Variants in TTN observed in about 807,000 individuals in gnomAD.
TTN encodes titin.
Under a neutral mutation model 3,223.0 loss-of-function variants are expected in TTN, and 1,525 were observed. The ratio of observed to expected loss-of-function variants is 0.47; its 90% CI spans 0.45 to 0.49. TTN has a LOEUF of 0.49. TTN is among the 20% of genes least tolerant of loss of function. TTN has a pLI of 0.00. For missense variants in TTN, 40,786 were observed against 43,424.0 expected, an observed-to-expected ratio of 0.94 and a Z score of 5.40; for synonymous variants, 14,094 against 15,161.0, an observed-to-expected ratio of 0.93 and a Z score of 5.17.
chr2:178,526,944 A>G lies in TTN; in HGVS notation c.*68T>C. ...TTCTTTAAATATTTACAGTTCAGAA[A>G]GATTAGTCCGTGTGAAACGTTTGCG... On this transcript the variant is annotated 3_prime_UTR_variant, in exon 363 of 363. Coordinates refer to ENST00000589042, the MANE Select transcript of TTN (RefSeq NM_001267550.2). The G allele has an allele frequency of 1.4e-6, 2 of 1,380,880 alleles. No homozygotes were observed. The highest frequency in any genetic ancestry group is 1.9e-6 in the Non-Finnish European group (2 of 1,036,600). The allele number at this position is 1,380,880 out of a possible 1,614,324, so 85.5% of individuals were successfully genotyped here.
In TTN at chr2:178,613,146, TTATATAAATAATACC is replaced by T; in HGVS notation, c.49648_49648+14del. On this transcript the variant is annotated splice_donor_variant and splice_donor_5th_base_variant and coding_sequence_variant and intron_variant, in exon 264 of 363. Coordinates refer to ENST00000589042, the MANE Select transcript of TTN (RefSeq NM_001267550.2). LOFTEE classifies it high-confidence loss of function. The stretch of plus-strand genomic sequence containing the variant: ...ATGAACTTCGAAATAACCACAAAAA[TTATATAAATAATACC>T]TATGGGATCCTTTATTAAGATTGGT... The T allele has an allele frequency of 6.2e-7, 1 of 1,607,162 alleles. No homozygotes were observed. Among genetic ancestry groups the T allele is most frequent in the Non-Finnish European group, 8.5e-7 (1 of 1,177,612 alleles).
Position 178,567,764 on chromosome 2 carries a change from T to C in TTN, c.78368A>G (p.Tyr26123Cys). 6.2e-7 allele frequency: 1 copy of C among 1,613,446 alleles called. No individual in the cohort carries two copies. The highest frequency in any genetic ancestry group is 8.5e-7 in the Non-Finnish European group (1 of 1,179,572). The change falls in exon 326 of 363, where the codon TAC (tyrosine) becomes TGC (cysteine). Residue 26123 changes from tyrosine (Y) to cysteine (C), a missense_variant. Physicochemically the swap from Tyr to Cys is radical, Grantham distance 194. Coordinates refer to ENST00000589042, the MANE Select transcript of TTN (RefSeq NM_001267550.2). ...VYDGGSMITG[Y>C]IVEKRDLPDG... ...AGGCAAATCACGTTTCTCTACAATG[T>C]AGCCTGTAATCATACTTCCACCATC...
intron 153 of TTN, 23 bp downstream of exon 153, chr2:178,672,612 C>T: frequency 6.2e-7 from 1 of 1,611,298 alleles, no homozygotes; most frequent in East Asian, 2.2e-5. Flanking sequence ...AAGAGGAAGT[C>T]AGGTTTAAAA....
chr2:178,723,310 A>T lies in TTN; in HGVS notation c.21697T>A (p.Leu7233Met). 6.2e-7 allele frequency: 1 copy of T among 1,612,042 alleles called. No homozygotes were observed. Among genetic ancestry groups the T allele is most frequent in the Non-Finnish European group, 8.5e-7 (1 of 1,178,882 alleles). The stretch of plus-strand genomic sequence containing the variant: ...ACAGAATGATCACTTAATCTCTTCA[A>T]AAATGCAGCTGGTTCTAGTAAGTGA... ...RLFVKEPAAF[L>M]KRLSDHSVEP... is the part of the protein sequence containing the mutation. Residue 7233 changes from leucine to methionine, a missense_variant, in exon 75 of 363, where the codon TTG (leucine) becomes ATG (methionine). Transcript: ENST00000589042.
In TTN at chr2:178,549,034, G is replaced by A. The variant is rs1698306603; in HGVS notation, c.92592C>T (p.Asp30864=). Reference sequence around the variant, plus strand: ...CATTCACCTTGTGCCAGTCTCCTAAGTCGGCCTTACACATTTCAATAATAT... The same window carrying A: ...CATTCACCTTGTGCCAGTCTCCTAAATCGGCCTTACACATTTCAATAATAT... ...IGYIIEMCKA[D]LGDWHKVNAE... Residue 30864 remains aspartate, a synonymous_variant, in exon 339 of 363, where the codon GAC becomes GAT. Transcript: ENST00000589042. The A allele has an allele frequency of 6.2e-7, 1 of 1,613,910 alleles. No individual in the cohort carries two copies. Among genetic ancestry groups the A allele is most frequent in the Non-Finnish European group, 8.5e-7 (1 of 1,179,840 alleles).
chr2:178,741,985 A>AAAGAC, intron 47 of TTN, 64 bp from the exon 48 acceptor site: 1 of 1,214,440 alleles, frequency 8.2e-7, no homozygotes, highest in Non-Finnish European at 1.1e-6. Flanking sequence ...AATAGAAATC[A>AAAGAC]AAGAATTAGA....
Position 178,537,157 on chromosome 2 carries a change from C to T in TTN, c.99952G>A (p.Asp33318Asn). The T allele has an allele frequency of 6.2e-7, 1 of 1,613,694 alleles. No homozygotes were observed. Reference protein sequence around the residue: ...AVISWKPPADDGGSWITNYVV... With the variant: ...AVISWKPPADNGGSWITNYVV... ...TAGTTGGTGATCCAGGAGCCTCCGTCATCTGCGGGTGGTTTCCAGCTGATC... is the reference window on the plus strand; with the variant it reads ...TAGTTGGTGATCCAGGAGCCTCCGTTATCTGCGGGTGGTTTCCAGCTGATC... Residue 33318 changes from aspartate to asparagine, a missense_variant, in exon 356 of 363, where the codon GAC becomes AAC. By Grantham distance (23) the Asp-to-Asn change is conservative. Transcript: ENST00000589042.
intron 43 of TTN, among the ~76,000 whole-genome samples, chr2:178,761,665 G>T (rs115681865): frequency 0.011 from 1,677 of 152,142 alleles, 17 homozygotes; most frequent in Non-Finnish European, 0.019. Context: ...TACAACCTTG[G>T]GATATAGTTG....
intron 44 of TTN, among the ~76,000 whole-genome samples, chr2:178,758,332 C>T (rs1232373294): frequency 3.3e-5 from 5 of 152,120 alleles, no homozygotes; most frequent in Admixed American, 1.3e-4. Context: ...TTTGTATGTA[C>T]TTAATACTAC....
In TTN at chr2:178,774,177, C is replaced by A. The variant is rs774458551; in HGVS notation, c.7057+30G>T. The A allele has an allele frequency of 3.7e-6, 6 of 1,614,146 alleles. No individual in the cohort carries two copies. The South Asian group carries it at 6.6e-5, about 18-fold the overall frequency. On this transcript the variant is annotated intron_variant, in intron 30 of 362. Coordinates refer to ENST00000589042, the MANE Select transcript of TTN (RefSeq NM_001267550.2). ...TATCAATAAACCATAATGATGCTCACTGCAGGCTGACAGGAATGGGAGGAC... is the reference window on the plus strand; with the variant it reads ...TATCAATAAACCATAATGATGCTCAATGCAGGCTGACAGGAATGGGAGGAC...
Position 178,611,781 on chromosome 2 carries a change from A to T in TTN, c.50528T>A (p.Ile16843Asn). 1 of 1,612,504 alleles carries T rather than the reference A, an allele frequency of 6.2e-7. No individual in the cohort carries two copies. ...GVGHPSEPTE[I>N]LSIEDPTSPP... ...ACTTGTTGGATCTTCAATGGATAGG[A>T]TTTCTGTGGGTTCACTTGGGTGGCC... Residue 16843 changes from isoleucine (I) to asparagine (N), a missense_variant, in exon 268 of 363, where the codon ATC becomes AAC. Transcript: ENST00000589042.
At position 178,546,918 on chromosome 2, in the gene TTN, C is replaced by T; in HGVS notation, c.94523-13G>A. 1.3e-6 allele frequency: 2 copies of T among 1,571,280 alleles called. No individual in the cohort carries two copies. Among genetic ancestry groups the T allele is most frequent in the Non-Finnish European group, 1.7e-6 (2 of 1,157,406 alleles). ...CTGCCTGGTGCATCTGGAAGGGATGCAAAAATAAGGTTAAAATATACCACT... is the reference window on the plus strand; with the variant it reads ...CTGCCTGGTGCATCTGGAAGGGATGTAAAAATAAGGTTAAAATATACCACT... On this transcript the variant is annotated splice_polypyrimidine_tract_variant and intron_variant, in intron 340 of 362. Transcript: ENST00000589042.
Position 178,571,792 on chromosome 2 carries a change from T to G in TTN, c.74340A>C (p.Arg24780=), listed in dbSNP as rs878929961. The change falls in exon 326 of 363, where the codon CGA becomes CGC. Residue 24780 remains arginine (R), a synonymous_variant. Transcript: ENST00000589042. ...NSLLTIKDAC[R]EDVGHYVVKL... is the part of the protein sequence containing the mutation. The stretch of plus-strand genomic sequence containing the variant: ...TAACCACATAATGGCCAACATCTTC[T>G]CGGCAGGCGTCCTTTATTGTCAGTA... 35 of 1,613,512 alleles carry G rather than the reference T, an allele frequency of 2.2e-5. No individual in the cohort carries two copies. The highest frequency in any genetic ancestry group is 2.9e-5 in the Non-Finnish European group (34 of 1,179,614).
chr2:178,666,385 A>C (rs1478574570), intron 163 of TTN, among the ~76,000 whole-genome samples: 1 of 152,128 alleles, frequency 6.6e-6, no homozygotes, highest in Admixed American at 6.6e-5. Context: ...AGGCTATGAG[A>C]GGAGCAAATG....
intron 47 of TTN, chr2:178,749,163 A>G (rs1393683737): frequency 4.3e-6 from 7 of 1,611,454 alleles, no homozygotes; most frequent in African/African-American, 1.3e-5. Context: ...CTTTGGGCAC[A>G]TTCTTGTACA....
chr2:178,782,893 C>T lies in TTN; in HGVS notation c.3013G>A (p.Ala1005Thr). The T allele has an allele frequency of 1.2e-6, 2 of 1,614,094 alleles. No homozygotes were observed. Among genetic ancestry groups the T allele is most frequent in the Non-Finnish European group, 8.5e-7 (1 of 1,179,996 alleles). The change falls in exon 18 of 363, where the codon GCA (alanine) becomes ACA (threonine). Residue 1005 changes from alanine (A) to threonine (T), a missense_variant. Ala to Thr is a moderately conservative substitution (Grantham distance 58). Coordinates refer to ENST00000589042, the MANE Select transcript of TTN (RefSeq NM_001267550.2). ...SGIARLMIRE[A>T]FAEDSGRFTC... ...AATCGCCCGCTGTCTTCCGCAAATGCTTCGCGAATCATAAGACGAGCAATT... is the reference window on the plus strand; with the variant it reads ...AATCGCCCGCTGTCTTCCGCAAATGTTTCGCGAATCATAAGACGAGCAATT...
chr2:178,605,886 G>A (rs1317276784), intron 278 of TTN, among the ~76,000 whole-genome samples, 173 bp from the exon 279 acceptor site: 1 of 151,954 alleles, frequency 6.6e-6, no homozygotes, highest in Non-Finnish European at 1.5e-5. Flanking sequence ...AGACATTCAT[G>A]TAGACAGAAT....
chr2:178,553,862 A>G, intron 333 of TTN, 52 bp downstream of exon 333: 1 of 1,560,896 alleles, frequency 6.4e-7, no homozygotes. Context: ...ATTTAGTCAC[A>G]CAGGTGAATA....
rs918621187 is a variant in TTN at position 178,567,848 on chromosome 2, G to T, written c.78284C>A (p.Pro26095Gln). 1.9e-6 allele frequency: 3 copies of T among 1,613,352 alleles called. No homozygotes were observed. Among genetic ancestry groups the T allele is most frequent in the Non-Finnish European group, 2.5e-6 (3 of 1,179,600 alleles). Residue 26095 changes from proline to glutamine, a missense_variant, in exon 326 of 363, where the codon CCA becomes CAA. By Grantham distance (76) the Pro-to-Gln change is moderately conservative. Coordinates refer to ENST00000589042, the MANE Select transcript of TTN (RefSeq NM_001267550.2). ...ATTTCTTTTAACCATTATTGGTTCT[G>T]GGGTTCCTGGTGGGTCACAGGGATC... The part of the protein sequence containing the change: ...ARDPCDPPGT[P>Q]EPIMVKRNEI...
Sources: allele counts gnomAD v4.1 joint callset (sites outside exome capture counted in the v4.1 genomes callset), GRCh38; gene constraint gnomAD v4.1.1; transcripts MANE v1.5; gene names NCBI Gene and HGNC (gene_info 2026-07-23, HGNC 2026-07-21).